The following DNAH1 variants were observed in gnomAD, a reference collection of about 807,000 sequenced individuals.
DNAH1 encodes the protein axonemal beta dynein heavy chain 1.
DNAH1 carries 327 observed loss-of-function variants against 484.3 expected under a neutral mutation model. The observed-to-expected ratio is 0.68, with a 90% CI of 0.62 to 0.74. The LOEUF (loss-of-function observed/expected upper bound fraction) is 0.74. Among genes scored for constraint, DNAH1 ranks in the 30% least tolerant of loss-of-function variants. DNAH1 has a pLI of 0.00. For missense variants in DNAH1, 5,052 were observed against 5,546.8 expected (o/e 0.91, Z 2.83); for synonymous variants, 2,192 against 2,191.9 (o/e 1.00, Z 0.00).
rs980958395 is a variant in DNAH1, at chr3:52,332,185, C to T, written c.1077C>T (p.Ile359=). 4 of 1,593,022 alleles carry T rather than the reference C, an allele frequency of 2.5e-6. No homozygotes were observed. Among genetic ancestry groups the T allele is most frequent in the African/African-American group, 1.3e-5 (1 of 74,626 alleles). ...TCTGTCAGTACTGGGTGCCACGGAT[C>T]CAGCTTCTCTTCTGCGCTGAGGACC... is the stretch of plus-strand genomic sequence containing the variant. ...LQVCQYWVPR[I]QLLFCAEDPC... Residue 359 remains isoleucine (I), a synonymous_variant, in exon 8 of 78, where the codon ATC becomes ATT. Transcript: ENST00000420323.
Position 52,380,029 on chromosome 3 carries a change from A to G in DNAH1, c.7502A>G (p.Glu2501Gly). Residue 2501 changes from glutamate (E) to glycine (G), a missense_variant, in exon 48 of 78, where the codon GAG (glutamate) becomes GGG (glycine). Transcript: ENST00000420323. ...QLLKRCMEQW[E>G]VTFNKVCPFQ... Reference sequence around the variant, plus strand: ...CTCAAGCGCTGCATGGAGCAGTGGGAGGTGACCTTCAACAAGGTCTGCCCC... The same window carrying G: ...CTCAAGCGCTGCATGGAGCAGTGGGGGGTGACCTTCAACAAGGTCTGCCCC... 1 of 1,598,590 alleles carries G rather than the reference A, an allele frequency of 6.3e-7. No homozygotes were observed. The highest frequency in any genetic ancestry group is 8.5e-7 in the Non-Finnish European group (1 of 1,172,698).
intron 9 of DNAH1, 93 bp from the exon 10 acceptor site, chr3:52,345,402 C>A: frequency 9.4e-7 from 1 of 1,061,768 alleles, no homozygotes; most frequent in Non-Finnish European, 1.4e-6. Context: ...AGGCAGGAGT[C>A]ATGGCCCTCC....
intron 22 of DNAH1, 150 bp from the exon 23 acceptor site, chr3:52,357,464 G>T (rs1025617222): frequency 1.0e-6 from 1 of 978,910 alleles, no homozygotes; most frequent in Admixed American, 2.9e-5. Context: ...GCTGATGGTT[G>T]CAGCCACTGG....
At chr3:52,354,314 C>T (rs1371001076) in intron 20 of DNAH1, among the ~76,000 whole-genome samples, 3 of 152,336 alleles carry the variant, frequency 2.0e-5, no homozygotes, top group Admixed American at 1.3e-4. Flanking sequence ...CCAACATGTG[C>T]GTACAACCAC....
rs1244509350 is a variant in DNAH1 at position 52,362,420 on chromosome 3, C to A, written c.5013C>A (p.Ile1671=). 3 of 1,613,828 alleles carry A rather than the reference C, an allele frequency of 1.9e-6. No individual in the cohort carries two copies. The highest frequency in any genetic ancestry group is 2.7e-5 in the African/African-American group (2 of 74,940). Residue 1671 remains isoleucine, a synonymous_variant, in exon 31 of 78, where the codon ATC becomes ATA. Transcript: ENST00000420323. This position sits in a 1 kb window ranked among gnomAD's most constrained non-coding sequence, Gnocchi z 5.1. ...VERFMFEGVE[I]PLVPSCAVFI... ...GCTTCATGTTTGAGGGTGTGGAGAT[C>A]CCACTGGTGCCATCCTGCGCAGTGT...
At chr3:52,327,478 A>G (rs1271926206) in intron 5 of DNAH1, among the ~76,000 whole-genome samples, 1 of 152,070 alleles carries the variant, frequency 6.6e-6, no homozygotes, top group Non-Finnish European at 1.5e-5. Context: ...GAATCTCACC[A>G]GTTCCAAGTT....
At chr3:52,320,031 A>G (rs1033926458) in intron 1 of DNAH1, among the ~76,000 whole-genome samples, 6 of 152,188 alleles carry the variant, frequency 3.9e-5, no homozygotes, top group Non-Finnish European at 8.8e-5. Context: ...ATAACTCCTT[A>G]TAATGCACCA....
At chr3:52,348,835 A>G in intron 12 of DNAH1, 53 bp from the exon 13 acceptor site, 1 of 1,581,742 alleles carries the variant, frequency 6.3e-7, no homozygotes, top group Non-Finnish European at 8.6e-7. Context: ...CCCTCTGCTC[A>G]TTCACCCCCT....
intron 21 of DNAH1, among the ~76,000 whole-genome samples, chr3:52,356,262 G>A (rs115019178): frequency 3.3e-5 from 5 of 152,298 alleles, no homozygotes; most frequent in Middle Eastern, 3.4e-3. Flanking sequence ...GTCCTTCCAG[G>A]AAGGAGGCTG....
At chr3:52,346,323 C>T (rs1702138914) in intron 10 of DNAH1, 149 bp from the exon 11 acceptor site, 1 of 830,004 alleles carries the variant, frequency 1.2e-6, no homozygotes, top group Non-Finnish European at 1.8e-6. Context: ...GTTGGCAGGG[C>T]TTGGCAGTAA....
Position 52,381,761 on chromosome 3 carries a change from A to T in DNAH1, c.7730A>T (p.Gln2577Leu), listed in dbSNP as rs1453375702. Residue 2577 changes from glutamine (Q) to leucine (L), a missense_variant, in exon 49 of 78, where the codon CAG becomes CTG. Around this residue, in one of 4 missense-constraint regions of DNAH1, gnomAD observed 2,929 missense variants for 3,409.4 expected, o/e 0.86. Transcript: ENST00000420323. This position sits in a 1 kb window ranked among gnomAD's most constrained non-coding sequence, Gnocchi z 4.1. ...TGTCGCATCAGCCGCACCCTACGCCAGGCGCTGGGCAATGCACTCCTGCTG... is the reference window on the plus strand; with the variant it reads ...TGTCGCATCAGCCGCACCCTACGCCTGGCGCTGGGCAATGCACTCCTGCTG... Reference protein sequence around the residue: ...HICRISRTLRQALGNALLLGV... With the variant: ...HICRISRTLRLALGNALLLGV... 6 of 1,605,264 alleles carry T rather than the reference A, an allele frequency of 3.7e-6. No individual in the cohort carries two copies. The South Asian group carries it at 4.5e-5, about 12-fold the overall frequency.
chr3:52,315,840 T>A (rs1700930998), upstream of DNAH1, among the ~76,000 whole-genome samples: 1 of 152,090 alleles, frequency 6.6e-6, no homozygotes, highest in African/African-American at 2.4e-5. Context: ...CATTAGAGGG[T>A]AGCCCCTGAG....
In DNAH1 at chr3:52,388,682, G is replaced by A. The variant is rs752681598; in HGVS notation, c.9363+73G>A. The stretch of plus-strand genomic sequence containing the variant: ...AGGGGCCAGAAAGGACCAGGGCGCC[G>A]GTGGGTCCTGGGGTGGCTGTCCACA... On this transcript the variant is annotated intron_variant, in intron 58 of 77. Coordinates refer to ENST00000420323, the MANE Select transcript of DNAH1 (RefSeq NM_015512.5). The A allele has an allele frequency of 4.1e-5, 66 of 1,607,100 alleles. 1 individual carries two copies. The highest frequency in any genetic ancestry group is 3.1e-4 in the South Asian group (28 of 90,592).
chr3:52,313,014 C>G (rs1037215542), upstream of DNAH1, among the ~76,000 whole-genome samples: 1 of 152,108 alleles, frequency 6.6e-6, no homozygotes, highest in Non-Finnish European at 1.5e-5. Context: ...CTTGAACTCC[C>G]GAACTCAAAT....
rs757327416 is a variant in DNAH1, at chr3:52,399,665, C to T, written c.12562C>T (p.Pro4188Ser). ...PEAFQLAESQ[P>S]KELYTEMAVI... The stretch of plus-strand genomic sequence containing the variant: ...GGCCTTCCAGCTGGCTGAGTCTCAG[C>T]CCAAGGAGCTGTACACAGAGATGGC... The change falls in exon 77 of 78, where the codon CCC (proline) becomes TCC (serine). Residue 4188 changes from proline (P) to serine (S), a missense_variant. By Grantham distance (74) the Pro-to-Ser change is moderately conservative. Transcript: ENST00000420323. 1 of 1,614,020 alleles carries T rather than the reference C, an allele frequency of 6.2e-7. No homozygotes were observed. The highest frequency in any genetic ancestry group is 1.7e-5 in the Admixed American group (1 of 60,030).
rs776671513 is a variant in DNAH1, at chr3:52,353,345, G to A, written c.3227-35G>A. The A allele has an allele frequency of 1.1e-5, 18 of 1,607,860 alleles. No homozygotes were observed. The highest frequency in any genetic ancestry group is 9.4e-5 in the African/African-American group (7 of 74,852). The stretch of plus-strand genomic sequence containing the variant: ...CAATCCCCTCCTCCCTGCCTCTGCC[G>A]CCTGCCTCTCATGCGTTTCTGTCTT... On this transcript the variant is annotated intron_variant, in intron 19 of 77. Transcript: ENST00000420323. This position sits in a 1 kb window ranked among gnomAD's most constrained non-coding sequence, Gnocchi z 5.0.
At position 52,391,895 on chromosome 3, in the gene DNAH1, C is replaced by A. The variant is rs1054384286; in HGVS notation, c.10052+292C>A. Among the ~76,000 whole-genome samples, 9 of 152,196 alleles carry A rather than the reference C, an allele frequency of 5.9e-5. No homozygotes were observed. In the South Asian group the frequency reaches 1.2e-3, roughly 21 times the overall value. ...CACCTCCTCCAGGGACCCCTTCTCTCCTACTGAGCCCTCGCCAGGCCCTGT... is the reference window on the plus strand; with the variant it reads ...CACCTCCTCCAGGGACCCCTTCTCTACTACTGAGCCCTCGCCAGGCCCTGT... On this transcript the variant is annotated intron_variant, in intron 63 of 77. Transcript: ENST00000420323.
Position 52,399,022 on chromosome 3 carries a change from T to A in DNAH1, c.12262T>A (p.Ser4088Thr). 6.2e-7 allele frequency: 1 copy of A among 1,614,004 alleles called. No homozygotes were observed. Among genetic ancestry groups the A allele is most frequent in the Non-Finnish European group, 8.5e-7 (1 of 1,179,880 alleles). Residue 4088 changes from serine (S) to threonine (T), a missense_variant, in exon 76 of 78, where the codon TCA becomes ACA. Ser to Thr is a moderately conservative substitution (Grantham distance 58). Around this residue, in one of 4 missense-constraint regions of DNAH1, gnomAD observed 853 missense variants for 899.0 expected, o/e 0.95. Transcript: ENST00000420323. Reference sequence around the variant, plus strand: ...CTACCCATCGCTCAAGCCTCTGTCATCATGGGTCATGGACCTGCTGCAACG... The same window carrying A: ...CTACCCATCGCTCAAGCCTCTGTCAACATGGGTCATGGACCTGCTGCAACG... Reference protein sequence around the residue: ...KAYPSLKPLSSWVMDLLQRLD... With the variant: ...KAYPSLKPLSTWVMDLLQRLD...
At position 52,368,986 on chromosome 3, in the gene DNAH1, G is replaced by A. The variant is rs2153224635; in HGVS notation, c.5943+68G>A. On this transcript the variant is annotated intron_variant, in intron 37 of 77. Transcript: ENST00000420323. The surrounding 1 kb of genome is among the most constrained non-coding windows in gnomAD (Gnocchi z 4.4). ...GTGGGCCTGGAGGCTGCATCATGCTGGCCAAACTCTGCCCCCTCACCCCTT... is the reference window on the plus strand; with the variant it reads ...GTGGGCCTGGAGGCTGCATCATGCTAGCCAAACTCTGCCCCCTCACCCCTT... 1 of 1,562,598 alleles carries A rather than the reference G, an allele frequency of 6.4e-7. No individual in the cohort carries two copies. Among genetic ancestry groups the A allele is most frequent in the South Asian group, 1.1e-5 (1 of 87,514 alleles).
Sources: allele counts gnomAD v4.1 joint callset (sites outside exome capture counted in the v4.1 genomes callset), GRCh38; gene constraint gnomAD v4.1.1; regional missense constraint gnomAD v4.1.1; non-coding constraint Gnocchi (gnomAD v3.1); transcripts MANE v1.5; gene names NCBI Gene and HGNC (gene_info 2026-07-23, HGNC 2026-07-21).